The following JARID2 variants were observed in gnomAD, a reference collection of about 807,000 sequenced individuals.
JARID2 encodes the protein jumonji and AT-rich interaction domain containing 2.
Under a neutral mutation model 125.6 loss-of-function variants are expected in JARID2, and 21 were observed. That is an observed-to-expected ratio of 0.17 (90% CI 0.12 to 0.24). The LOEUF (loss-of-function observed/expected upper bound fraction) is 0.24. JARID2 is among the 10% of genes least tolerant of loss of function. The pLI, the probability that JARID2 is intolerant of heterozygous loss-of-function variation, is 1.00. For missense variants in JARID2, 1,303 were observed against 1,639.6 expected (o/e 0.79, Z 3.55); for synonymous variants, 736 against 661.6 (o/e 1.11, Z -1.73).
chr6:15,353,284 C>T lies in JARID2; in HGVS notation c.46-20833C>T, dbSNP rs543620934. Among the ~76,000 whole-genome samples the T allele has an allele frequency of 2.0e-5, 3 of 152,240 alleles. No individual in the cohort carries two copies. In the East Asian group the frequency reaches 5.8e-4, roughly 29 times the overall value. ...GCATTGCTGTTTTAATTTGCATTTA[C>T]CCACTAATGATATTGAGCATGTTTT... On this transcript the variant is annotated intron_variant, in intron 1 of 17. Transcript: ENST00000341776.
rs756721673 is a variant in JARID2, at chr6:15,496,786, T to G, written c.1561T>G (p.Ser521Ala). 13 of 1,611,758 alleles carry G rather than the reference T, an allele frequency of 8.1e-6. No homozygotes were observed. The highest frequency in any genetic ancestry group is 9.3e-6 in the Non-Finnish European group (11 of 1,178,990). The change falls in exon 7 of 18, where the codon TCC (serine) becomes GCC (alanine). Residue 521 changes from serine to alanine, a missense_variant. This residue lies in a region of JARID2 where 651 missense variants were observed against 581.6 expected (regional missense o/e 1.12). Coordinates refer to ENST00000341776, the MANE Select transcript of JARID2 (RefSeq NM_004973.4). Reference protein sequence around the residue: ...RQAHGKADSASCENRSTSQPE... With the variant: ...RQAHGKADSAACENRSTSQPE... ...AGCACATGGCAAGGCGGACAGCGCC[T>G]CCTGTGAAAATCGTTCTACCTCGCA...
intron 2 of JARID2, among the ~76,000 whole-genome samples, chr6:15,380,015 A>AT (rs35957436): frequency 0.51 from 72,653 of 143,538 alleles, 17,983 homozygotes; most frequent in South Asian, 0.59. Context: ...AGGTAAGTGG[A>AT]TTTTTTTTTT....
intron 1 of JARID2, among the ~76,000 whole-genome samples, chr6:15,351,767 G>C (rs972570109): frequency 6.6e-6 from 1 of 152,126 alleles, no homozygotes; most frequent in Non-Finnish European, 1.5e-5. Context: ...CTTTTGTGCA[G>C]CCTTATAAAA....
At chr6:15,360,135 T>G (rs1763742144) in intron 1 of JARID2, among the ~76,000 whole-genome samples, 2 of 152,222 alleles carry the variant, frequency 1.3e-5, no homozygotes, top group South Asian at 4.1e-4. Flanking sequence ...TCTGTGTTAG[T>G]CATTCTTTAT....
At chr6:15,291,376 C>T (rs926257722) in intron 1 of JARID2, among the ~76,000 whole-genome samples, 2 of 152,226 alleles carry the variant, frequency 1.3e-5, no homozygotes, top group African/African-American at 4.8e-5. Context: ...AAATCCCTCA[C>T]TTTTCACACA....
chr6:15,360,138 T>C (rs1298507133), intron 1 of JARID2, among the ~76,000 whole-genome samples: 1 of 152,082 alleles, frequency 6.6e-6, no homozygotes, highest in African/African-American at 2.4e-5. Flanking sequence ...GTGTTAGTCA[T>C]TCTTTATATT....
intron 1 of JARID2, among the ~76,000 whole-genome samples, chr6:15,261,514 C>T (rs961591226): frequency 1.3e-5 from 2 of 151,726 alleles, no homozygotes; most frequent in Non-Finnish European, 2.9e-5. Context: ...GACAGGGTTT[C>T]ACCATGTTAG....
intron 2 of JARID2, among the ~76,000 whole-genome samples, chr6:15,389,381 G>A (rs926362575): frequency 6.6e-6 from 1 of 152,134 alleles, no homozygotes; most frequent in Non-Finnish European, 1.5e-5. Flanking sequence ...CTGGAACACT[G>A]TTATTTTTGA....
At chr6:15,362,262 A>T (rs1230901244) in intron 1 of JARID2, among the ~76,000 whole-genome samples, 1 of 152,216 alleles carries the variant, frequency 6.6e-6, no homozygotes, top group Non-Finnish European at 1.5e-5. Flanking sequence ...AGGGTTACAT[A>T]GGATCATGCA....
At chr6:15,425,727 A>T (rs1180246956) in intron 3 of JARID2, among the ~76,000 whole-genome samples, 8 of 152,172 alleles carry the variant, frequency 5.3e-5, no homozygotes, top group Non-Finnish European at 2.9e-5. Context: ...TCTGTTCTTT[A>T]TATGTTACGC....
intron 2 of JARID2, among the ~76,000 whole-genome samples, chr6:15,384,439 C>A (rs1264531297): frequency 1.3e-5 from 2 of 148,874 alleles, no homozygotes; most frequent in East Asian, 2.0e-4. Flanking sequence ...TCTGTGAGGT[C>A]TCTCATCTGC....
chr6:15,331,612 T>C (rs1390967245), intron 1 of JARID2, among the ~76,000 whole-genome samples: 1 of 152,012 alleles, frequency 6.6e-6, no homozygotes, highest in Non-Finnish European at 1.5e-5. Flanking sequence ...ACGTCTGTAA[T>C]CCCAGCACTT....
At chr6:15,392,977 G>A (rs1765081510) in intron 2 of JARID2, among the ~76,000 whole-genome samples, 1 of 152,146 alleles carries the variant, frequency 6.6e-6, no homozygotes, top group South Asian at 2.1e-4. Context: ...GAGCCACCAT[G>A]CCTGGCCAAG....
intron 3 of JARID2, among the ~76,000 whole-genome samples, chr6:15,416,723 G>T (rs542076245): frequency 1.9e-4 from 29 of 150,838 alleles, no homozygotes; most frequent in Non-Finnish European, 5.9e-5. Context: ...GAGGGAGAGG[G>T]GGGAGAGGGA....
chr6:15,450,563 T>C (rs1216056392), intron 3 of JARID2, among the ~76,000 whole-genome samples: 1 of 152,232 alleles, frequency 6.6e-6, no homozygotes, highest in African/African-American at 2.4e-5. Flanking sequence ...TTTCAATCCC[T>C]GTACTGTGTG....
rs527360038 is a variant in JARID2 at position 15,371,912 on chromosome 6, G to A, written c.46-2205G>A. Among the ~76,000 whole-genome samples, 12 of 152,280 alleles carry A rather than the reference G, an allele frequency of 7.9e-5. No individual in the cohort carries two copies. In the South Asian group the frequency reaches 1.7e-3, roughly 21 times the overall value. On this transcript the variant is annotated intron_variant, in intron 1 of 17. Coordinates refer to ENST00000341776, the MANE Select transcript of JARID2 (RefSeq NM_004973.4). ...CTTCTAGAGGCACTGCCCAGCAGTC[G>A]GAAATCTCAGCCTGGCAGGCTTCTG...
At chr6:15,422,620 C>T (rs544445162) in intron 3 of JARID2, among the ~76,000 whole-genome samples, 1 of 152,182 alleles carries the variant, frequency 6.6e-6, no homozygotes, top group Non-Finnish European at 1.5e-5. Context: ...CACAATTTCT[C>T]ACCTCTGCTC....
chr6:15,396,085 A>C (rs1019312714), intron 2 of JARID2, among the ~76,000 whole-genome samples: 1 of 152,228 alleles, frequency 6.6e-6, no homozygotes, highest in Non-Finnish European at 1.5e-5. Flanking sequence ...TATTCTGAAA[A>C]AGGTTGATCA....
chr6:15,276,569 T>A (rs1399088994), intron 1 of JARID2, among the ~76,000 whole-genome samples: 2 of 152,208 alleles, frequency 1.3e-5, no homozygotes, highest in African/African-American at 4.8e-5. Flanking sequence ...GCCTCAGAAG[T>A]TGCCTAAAGG....
Sources: gnomAD v4.1 joint callset for allele counts (sites outside exome capture counted in the v4.1 genomes callset) on GRCh38, gnomAD v4.1.1 for gene constraint, gnomAD v4.1.1 regional missense constraint, MANE v1.5 for transcripts, NCBI Gene and HGNC (gene_info 2026-07-23, HGNC 2026-07-21) for gene names.